The following CEP120 variants were observed in gnomAD, a reference collection of about 807,000 sequenced individuals.
CEP120 encodes the protein centrosomal protein of 120 kDa.
In CEP120, 113 loss-of-function variants were observed where a neutral mutation model predicts 126.5. That is an observed-to-expected ratio of 0.89 (90% CI 0.77 to 1.04). The LOEUF (loss-of-function observed/expected upper bound fraction) is 1.04. Among genes scored for constraint, CEP120 ranks in the 50% least tolerant of loss-of-function variants. CEP120 has a pLI of 0.00. For synonymous variants in CEP120, 400 were observed against 394.3 expected, an observed-to-expected ratio of 1.01 and a Z score of -0.17; for missense variants, 1,230 against 1,155.7, an observed-to-expected ratio of 1.06 and a Z score of -0.93.
Position 123,382,097 on chromosome 5 carries a change from A to C in CEP120, c.2103+14T>G. 5 of 1,527,950 alleles carry C rather than the reference A, an allele frequency of 3.3e-6. No homozygotes were observed. Among genetic ancestry groups the C allele is most frequent in the Non-Finnish European group, 4.5e-6 (5 of 1,110,666 alleles). The allele number at this position is 1,527,950 out of a possible 1,614,324, so 94.6% of individuals were successfully genotyped here. ...ATTCTTCCTTCTCTTCCTCACTTTT[A>C]CACAAGTTATTACCTTTTTCTTTAC... On this transcript the variant is annotated intron_variant, in intron 14 of 19. Transcript: ENST00000306467.
chr5:123,388,012 C>G (rs1772137076), intron 9 of CEP120, among the ~76,000 whole-genome samples: 1 of 108,056 alleles, frequency 9.3e-6, no homozygotes, highest in Admixed American at 9.2e-5. Context: ...TAATACACTA[C>G]CTTTTTGACC....
rs372144017 is a variant in CEP120, at chr5:123,391,157, T to G, written c.991A>C (p.Thr331Pro). The change falls in exon 7 of 20, where the codon ACT (threonine) becomes CCT (proline). Residue 331 changes from threonine (T) to proline (P), a missense_variant. Transcript: ENST00000306467. ...TGCAGAGCCACAGACACTCCCACAGTTGGGGCTAGCTCCACAGGAATAGGT... is the reference window on the plus strand; with the variant it reads ...TGCAGAGCCACAGACACTCCCACAGGTGGGGCTAGCTCCACAGGAATAGGT... ...LAPIPVELAPTVGVSVALQRE... is the reference protein window; with the variant it reads ...LAPIPVELAPPVGVSVALQRE... 7.4e-6 allele frequency: 12 copies of G among 1,614,172 alleles called. No homozygotes were observed. Among genetic ancestry groups the G allele is most frequent in the Non-Finnish European group, 1.0e-5 (12 of 1,180,028 alleles).
chr5:123,376,009 C>G (rs1771192647), intron 16 of CEP120, among the ~76,000 whole-genome samples: 1 of 146,584 alleles, frequency 6.8e-6, no homozygotes, highest in South Asian at 2.1e-4. Flanking sequence ...TTTTTTTTAG[C>G]AAATATTTAT....
intron 1 of CEP120, among the ~76,000 whole-genome samples, chr5:123,421,205 A>C (rs985935686): frequency 6.6e-6 from 1 of 152,118 alleles, no homozygotes; most frequent in African/African-American, 2.4e-5. Flanking sequence ...GTACAAGCTC[A>C]TTTCTTACCA....
At chr5:123,355,932 T>C (rs1451862609) in intron 18 of CEP120, among the ~76,000 whole-genome samples, 1 of 150,832 alleles carries the variant, frequency 6.6e-6, no homozygotes, top group East Asian at 1.9e-4. Context: ...AAGTCTTTAA[T>C]CCATCTTGAA....
At chr5:123,422,349 C>A (rs1308491684) in intron 1 of CEP120, 6 of 655,320 alleles carry the variant, frequency 9.2e-6, no homozygotes, top group South Asian at 1.9e-5. Context: ...TGCTGACACA[C>A]TCTCCTTGCT....
chr5:123,362,661 A>G (rs112015324), intron 18 of CEP120, among the ~76,000 whole-genome samples: 8 of 151,724 alleles, frequency 5.3e-5, no homozygotes, highest in Non-Finnish European at 1.0e-4. Flanking sequence ...TTGCTCTAAC[A>G]GTATCATCAT....
At position 123,382,890 on chromosome 5, in the gene CEP120, C is replaced by T; in HGVS notation, c.1861-1G>A. The T allele has an allele frequency of 6.2e-7, 1 of 1,612,304 alleles. No homozygotes were observed. Among genetic ancestry groups the T allele is most frequent in the Non-Finnish European group, 8.5e-7 (1 of 1,179,282 alleles). On this transcript the variant is annotated splice_acceptor_variant, in intron 12 of 19. Transcript: ENST00000306467. LOFTEE classifies it high-confidence loss of function. ...GCTTTTGCTGTACGGCAGATACACC[C>T]TAAGAGATGAACCAAAAAGTACATT...
intron 19 of CEP120, among the ~76,000 whole-genome samples, chr5:123,348,572 A>G (rs1271895043): frequency 6.6e-6 from 1 of 152,236 alleles, no homozygotes; most frequent in African/African-American, 2.4e-5. Flanking sequence ...TTCTTCAATT[A>G]TCTTTTAAAT....
At chr5:123,402,466 C>G in intron 4 of CEP120, 1 of 727,470 alleles carries the variant, frequency 1.4e-6, no homozygotes, top group Non-Finnish European at 2.0e-6. Flanking sequence ...GTCACCCAGG[C>G]TGCAGTGGAT....
chr5:123,373,853 A>G (rs926673051), intron 16 of CEP120, among the ~76,000 whole-genome samples: 5 of 152,004 alleles, frequency 3.3e-5, no homozygotes, highest in Non-Finnish European at 7.4e-5. Flanking sequence ...GCAGTGGTCA[A>G]CCTCTGCTGA....
At position 123,372,672 on chromosome 5, in the gene CEP120, A is replaced by G; in HGVS notation, c.2459T>C (p.Ile820Thr). Residue 820 changes from isoleucine to threonine, a missense_variant, in exon 17 of 20, where the codon ATA (isoleucine) becomes ACA (threonine). Coordinates refer to ENST00000306467, the MANE Select transcript of CEP120 (RefSeq NM_001375405.1). ...TACCTTTTCCAAGGTGAGAAGATTT[A>G]TTTCAGACTGTAGACGGATTTCTGG... ...NKPEIRLQSE[I>T]NLLTLEKVEL... 1 of 1,612,336 alleles carries G rather than the reference A, an allele frequency of 6.2e-7. No individual in the cohort carries two copies. Among genetic ancestry groups the G allele is most frequent in the Non-Finnish European group, 8.5e-7 (1 of 1,179,046 alleles).
At chr5:123,401,950 C>T in intron 4 of CEP120, 1 of 1,582,248 alleles carries the variant, frequency 6.3e-7, no homozygotes, top group Admixed American at 1.7e-5. Context: ...TTGCTCCCGG[C>T]CGTCTTCTGC....
At chr5:123,376,560 A>T (rs1028215902) in intron 16 of CEP120, among the ~76,000 whole-genome samples, 1 of 152,108 alleles carries the variant, frequency 6.6e-6, no homozygotes, top group Non-Finnish European at 1.5e-5. Context: ...AATTTCAAAA[A>T]TATCATTCTG....
chr5:123,396,680 G>C (rs1331572653), intron 5 of CEP120, among the ~76,000 whole-genome samples: 1 of 152,194 alleles, frequency 6.6e-6, no homozygotes, highest in Non-Finnish European at 1.5e-5. Context: ...AAAAGGTTAA[G>C]TAACTTGCCT....
intron 4 of CEP120, chr5:123,401,179 C>T (rs1200549894): frequency 2.9e-5 from 46 of 1,611,824 alleles, no homozygotes; most frequent in Non-Finnish European, 3.5e-5. Context: ...TTGTAGGTGG[C>T]GATCTCGATG....
rs1768821421 is a variant in CEP120, at chr5:123,346,459, GT to G, written c.*59del. 2.4e-6 allele frequency: 3 copies of G among 1,269,630 alleles called. No individual in the cohort carries two copies. The highest frequency in any genetic ancestry group is 3.3e-6 in the Non-Finnish European group (3 of 910,856). The allele number at this position is 1,269,630 out of a possible 1,614,324, so 78.6% of individuals were successfully genotyped here. A position where few individuals can be genotyped will look rare whatever the true frequency, so the allele number is the denominator to read the frequency against. ...AACATCCATTTTCCTCACTTTTGAG[GT>G]TTTTACAAAGAAATTAAAATTTAGA... On this transcript the variant is annotated 3_prime_UTR_variant, in exon 20 of 20. Coordinates refer to ENST00000306467, the MANE Select transcript of CEP120 (RefSeq NM_001375405.1).
chr5:123,407,666 C>T (rs1773786625), intron 4 of CEP120, among the ~76,000 whole-genome samples: 1 of 152,134 alleles, frequency 6.6e-6, no homozygotes, highest in Admixed American at 6.5e-5. Flanking sequence ...TGGACAGATC[C>T]AGCAGGCAGA....
chr5:123,405,856 T>A (rs973970048), intron 4 of CEP120, among the ~76,000 whole-genome samples: 2 of 151,434 alleles, frequency 1.3e-5, no homozygotes, highest in Non-Finnish European at 2.9e-5. Context: ...TAAACAAGCA[T>A]CAGAACTAAA....
Sources: allele counts gnomAD v4.1 joint callset (sites outside exome capture counted in the v4.1 genomes callset), GRCh38; gene constraint gnomAD v4.1.1; transcripts MANE v1.5; gene names NCBI Gene and HGNC (gene_info 2026-07-23, HGNC 2026-07-21).